APBB1IP: variants seen among roughly 807,000 people sequenced by gnomAD.
The protein encoded by APBB1IP is amyloid beta A4 precursor protein-binding family B member 1-interacting protein.
In APBB1IP, 27 loss-of-function variants were observed where a neutral mutation model predicts 64.9. That is an observed-to-expected ratio of 0.42 (90% CI 0.31 to 0.57). The LOEUF is 0.57. APBB1IP is among the 20% of genes least tolerant of loss of function. The pLI, the probability that APBB1IP is intolerant of heterozygous loss-of-function variation, is 0.20. For missense variants in APBB1IP, 812 were observed against 845.5 expected, an observed-to-expected ratio of 0.96 and a Z score of 0.49; for synonymous variants, 392 against 331.0, an observed-to-expected ratio of 1.18 and a Z score of -2.00.
rs754404667 is a variant in APBB1IP, at chr10:26,501,073, C to A, written c.415C>A (p.Leu139Ile). Residue 139 changes from leucine (L) to isoleucine (I), a missense_variant, in exon 5 of 15, where the codon CTT (leucine) becomes ATT (isoleucine). Coordinates refer to ENST00000376236, the MANE Select transcript of APBB1IP (RefSeq NM_019043.4). ...PPPPADPVLD[L>I]PLPPPPPEPL... The stretch of plus-strand genomic sequence containing the variant: ...TCCACCAGCCGATCCTGTGTTAGAC[C>A]TTCCACTGCCACCACCACCTCCTGA... 1.2e-6 allele frequency: 2 copies of A among 1,614,182 alleles called. No individual in the cohort carries two copies. The highest frequency in any genetic ancestry group is 8.5e-7 in the Non-Finnish European group (1 of 1,180,030).
At chr10:26,496,249 G>T in intron 3 of APBB1IP, 55 bp from the exon 4 acceptor site, 3 of 1,336,570 alleles carry the variant, frequency 2.2e-6, no homozygotes, top group Non-Finnish European at 2.1e-6. Flanking sequence ...AGTAAAGTGT[G>T]CTACAGAAAT....
chr10:26,510,482 C>T (rs1156509295), intron 6 of APBB1IP, among the ~76,000 whole-genome samples: 1 of 152,020 alleles, frequency 6.6e-6, no homozygotes, highest in African/African-American at 2.4e-5. Flanking sequence ...CCTGTAATCC[C>T]AGCACTTTAG....
Position 26,560,756 on chromosome 10 carries a change from C to A in APBB1IP, c.1281C>A (p.Tyr427Ter). 6.2e-7 allele frequency: 1 copy of A among 1,603,620 alleles called. No individual in the cohort carries two copies. The highest frequency in any genetic ancestry group is 8.5e-7 in the Non-Finnish European group (1 of 1,174,506). ...ATGGGAAGACTCTCTATGATAACTA[C>A]CAGCGGGCTGTGGCAAAGGCTGGAC... Reference protein sequence around the residue: ...AKYGKTLYDNYQRAVAKAGLA... With the variant: ...AKYGKTLYDN Residue 427 changes from tyrosine (Y) to a stop codon, truncating the protein, a stop_gained, in exon 13 of 15, where the codon TAC becomes TAA. Transcript: ENST00000376236. LOFTEE classifies it high-confidence loss of function.
chr10:26,466,769 C>T (rs1835653346), intron 2 of APBB1IP, among the ~76,000 whole-genome samples: 2 of 152,088 alleles, frequency 1.3e-5, no homozygotes, highest in African/African-American at 4.8e-5. Flanking sequence ...GACCTCGTCC[C>T]TACAAAAAAT....
chr10:26,486,362 C>T (rs115061215), intron 2 of APBB1IP, among the ~76,000 whole-genome samples: 1 of 152,010 alleles, frequency 6.6e-6, no homozygotes, highest in Non-Finnish European at 1.5e-5. Context: ...CAAGGAGAAG[C>T]CTTCTACAGG....
At chr10:26,495,835 A>G (rs568944791) in intron 3 of APBB1IP, among the ~76,000 whole-genome samples, 1 of 148,566 alleles carries the variant, frequency 6.7e-6, no homozygotes, top group Admixed American at 6.8e-5. Context: ...TTCTTCTCCA[A>G]GTAACTGGAG....
chr10:26,531,387 G>C (rs192912385), intron 8 of APBB1IP, among the ~76,000 whole-genome samples: 2 of 151,924 alleles, frequency 1.3e-5, no homozygotes, highest in South Asian at 4.1e-4. Flanking sequence ...TAAGTTAGCA[G>C]CCAGGCGCGG....
chr10:26,559,265 A>G (rs551521834), intron 11 of APBB1IP, among the ~76,000 whole-genome samples: 1 of 152,296 alleles, frequency 6.6e-6, no homozygotes, highest in East Asian at 1.9e-4. Context: ...TTGATAATAT[A>G]GTAAGAAGTG....
chr10:26,563,391 A>C (rs1306960815), intron 14 of APBB1IP, among the ~76,000 whole-genome samples: 2 of 152,206 alleles, frequency 1.3e-5, no homozygotes, highest in Non-Finnish European at 2.9e-5. Flanking sequence ...TACACTAAAA[A>C]TGTGTATTTT....
At chr10:26,477,046 C>T (rs1391613593) in intron 2 of APBB1IP, among the ~76,000 whole-genome samples, 1 of 152,188 alleles carries the variant, frequency 6.6e-6, no homozygotes, top group Admixed American at 6.5e-5. Flanking sequence ...GCTGATCCAC[C>T]CACCTCGGCC....
chr10:26,457,405 G>A (rs1486547441), intron 2 of APBB1IP, among the ~76,000 whole-genome samples: 1 of 152,178 alleles, frequency 6.6e-6, no homozygotes, highest in African/African-American at 2.4e-5. Flanking sequence ...CTTCCAAAGT[G>A]CCAGGATTAC....
intron 2 of APBB1IP, among the ~76,000 whole-genome samples, chr10:26,469,294 C>G (rs554269037): frequency 2.6e-5 from 3 of 115,068 alleles, no homozygotes; most frequent in South Asian, 2.8e-4. Context: ...GAGTCTTGCT[C>G]TGTTGCTCAG....
chr10:26,459,692 C>A (rs963409330), intron 2 of APBB1IP, among the ~76,000 whole-genome samples: 2 of 152,124 alleles, frequency 1.3e-5, no homozygotes, highest in Non-Finnish European at 1.5e-5. Context: ...AAAATGTTTT[C>A]TACTTAAGGA....
intron 14 of APBB1IP, among the ~76,000 whole-genome samples, chr10:26,563,593 A>C (rs1463408047): frequency 6.6e-6 from 1 of 152,222 alleles, no homozygotes; most frequent in Admixed American, 6.5e-5. Context: ...TTTAGTTCAA[A>C]GCTTCTCAGC....
chr10:26,530,272 A>AG (rs1388857228), intron 8 of APBB1IP, among the ~76,000 whole-genome samples: 1 of 140,774 alleles, frequency 7.1e-6, no homozygotes, highest in Non-Finnish European at 1.5e-5. Context: ...TGTGTGACCC[A>AG]GGCTGGACTC....
intron 4 of APBB1IP, among the ~76,000 whole-genome samples, chr10:26,497,591 A>G (rs1364936998): frequency 6.6e-6 from 1 of 152,040 alleles, no homozygotes; most frequent in Non-Finnish European, 1.5e-5. Context: ...CAAATTAGTG[A>G]GAACTCCCTG....
intron 11 of APBB1IP, among the ~76,000 whole-genome samples, chr10:26,545,512 G>A (rs1382157757): frequency 6.6e-6 from 1 of 152,142 alleles, no homozygotes; most frequent in Non-Finnish European, 1.5e-5. Context: ...TGTAATCCCA[G>A]CACTTTGGGA....
chr10:26,529,636 T>C (rs1300166543), intron 8 of APBB1IP, among the ~76,000 whole-genome samples: 1 of 152,100 alleles, frequency 6.6e-6, no homozygotes, highest in Non-Finnish European at 1.5e-5. Flanking sequence ...TCTTTTTTTT[T>C]CTTTTAATTT....
chr10:26,493,464 T>C (rs929971465), intron 3 of APBB1IP, among the ~76,000 whole-genome samples: 2 of 152,180 alleles, frequency 1.3e-5, no homozygotes, highest in Non-Finnish European at 2.9e-5. Context: ...TAAGAAATTA[T>C]AAAAGTATTA....
Sources: gnomAD v4.1 joint callset for allele counts (sites outside exome capture counted in the v4.1 genomes callset) on GRCh38, gnomAD v4.1.1 for gene constraint, MANE v1.5 for transcripts, NCBI Gene and HGNC (gene_info 2026-07-23, HGNC 2026-07-21) for gene names.